Variants in GRIK2 observed in about 807,000 individuals in gnomAD.
The protein encoded by GRIK2 is glutamate receptor ionotropic, kainate 2.
In GRIK2, 32 loss-of-function variants were observed where a neutral mutation model predicts 100.3. That is an observed-to-expected ratio of 0.32 (90% confidence interval 0.24 to 0.43). The LOEUF (loss-of-function observed/expected upper bound fraction) is 0.43. Ranked by LOEUF, GRIK2 falls within the 20% of genes least tolerant of loss-of-function variation. The pLI is 1.00. For synonymous variants in GRIK2, 417 were observed against 389.4 expected (o/e 1.07, Z -0.83); for missense variants, 843 against 1,114.9 (o/e 0.76, Z 3.47).
chr6:102,066,500 T>C (rs190350250), intron 16 of GRIK2, among the ~76,000 whole-genome samples: 260 of 151,714 alleles, frequency 1.7e-3, no homozygotes, highest in African/African-American at 5.9e-3. Flanking sequence ...AGAATGTGCC[T>C]GGTCAAGTGG....
chr6:101,649,863 G>A (rs1172325438), intron 4 of GRIK2, among the ~76,000 whole-genome samples: 1 of 152,072 alleles, frequency 6.6e-6, no homozygotes, highest in Non-Finnish European at 1.5e-5. Flanking sequence ...AGGTGCAGAA[G>A]GGTGAAAGTG....
At chr6:101,802,726 T>G (rs746304090) in intron 9 of GRIK2, among the ~76,000 whole-genome samples, 12 of 151,916 alleles carry the variant, frequency 7.9e-5, no homozygotes, top group Non-Finnish European at 1.5e-4. Context: ...ATATAGCAAT[T>G]AGAAAATATT....
chr6:101,655,558 C>G (rs946825370), intron 4 of GRIK2, among the ~76,000 whole-genome samples: 1 of 152,166 alleles, frequency 6.6e-6, no homozygotes, highest in Non-Finnish European at 1.5e-5. Context: ...AAAACCACTT[C>G]CTCGTAGTAA....
intron 10 of GRIK2, among the ~76,000 whole-genome samples, chr6:101,837,474 T>C (rs936843996): frequency 6.6e-6 from 1 of 152,216 alleles, no homozygotes; most frequent in Non-Finnish European, 1.5e-5. Context: ...CATTTCATAA[T>C]GTATATATAT....
At chr6:101,783,145 A>G (rs1779204651) in intron 7 of GRIK2, among the ~76,000 whole-genome samples, 1 of 152,098 alleles carries the variant, frequency 6.6e-6, no homozygotes, top group South Asian at 2.1e-4. Flanking sequence ...GGCGTGAGGC[A>G]GTGCACCCGG....
chr6:101,441,240 T>A (rs940156698), intron 2 of GRIK2, among the ~76,000 whole-genome samples: 1 of 152,110 alleles, frequency 6.6e-6, no homozygotes, highest in African/African-American at 2.4e-5. Context: ...TCTTTCTGAG[T>A]AGTCTACTCT....
intron 1 of GRIK2, among the ~76,000 whole-genome samples, chr6:101,394,675 A>G (rs967145938): frequency 1.3e-4 from 20 of 152,202 alleles, no homozygotes; most frequent in African/African-American, 4.8e-4. Context: ...TTTGAGTCTT[A>G]ATTAGTCAGT....
intron 2 of GRIK2, among the ~76,000 whole-genome samples, chr6:101,432,391 AT>A (rs1287430269): frequency 6.6e-6 from 1 of 152,128 alleles, no homozygotes; most frequent in Non-Finnish European, 1.5e-5. Context: ...TTCTTAAGTT[AT>A]TTTGGTAAAC....
intron 2 of GRIK2, among the ~76,000 whole-genome samples, chr6:101,560,266 T>C (rs1217500047): frequency 6.6e-6 from 1 of 152,102 alleles, no homozygotes; most frequent in East Asian, 1.9e-4. Context: ...GGATTTTATC[T>C]TGAAAATATT....
intron 4 of GRIK2, among the ~76,000 whole-genome samples, chr6:101,642,021 T>C (rs890203068): frequency 4.6e-5 from 7 of 151,896 alleles, no homozygotes; most frequent in African/African-American, 7.2e-5. Context: ...TTTAGGAGAA[T>C]AGAATTGGTT....
intron 14 of GRIK2, among the ~76,000 whole-genome samples, chr6:101,958,284 G>GTGTGTGTGTGTGTGTGTGTGT (rs758541113): frequency 1.3e-3 from 24 of 18,898 alleles, no homozygotes; most frequent in Non-Finnish European, 1.9e-3. Flanking sequence ...TGTGTGTGTG[G>GTGTGTGTGTGTGTGTGTGTGT]GTCCATTGCA....
intron 2 of GRIK2, among the ~76,000 whole-genome samples, chr6:101,442,537 G>A (rs979795808): frequency 6.6e-6 from 1 of 152,090 alleles, no homozygotes; most frequent in African/African-American, 2.4e-5. Context: ...TGAAAGACAC[G>A]CTGCAAACTT....
chr6:101,687,504 T>G (rs2128344599), intron 7 of GRIK2, among the ~76,000 whole-genome samples: 1 of 152,062 alleles, frequency 6.6e-6, no homozygotes, highest in East Asian at 1.9e-4. Context: ...TTCCATTAAT[T>G]ACTTCAATAG....
chr6:101,670,696 G>A (rs974191825), intron 4 of GRIK2, among the ~76,000 whole-genome samples: 1 of 151,978 alleles, frequency 6.6e-6, no homozygotes, highest in African/African-American at 2.4e-5. Flanking sequence ...CTAATGTTAG[G>A]TTTTCTATCT....
intron 2 of GRIK2, among the ~76,000 whole-genome samples, chr6:101,590,797 A>T (rs915233367): frequency 1.3e-5 from 2 of 151,962 alleles, no homozygotes; most frequent in African/African-American, 4.8e-5. Context: ...CAATGCCTAT[A>T]TTTTTTAGAT....
intron 7 of GRIK2, among the ~76,000 whole-genome samples, chr6:101,786,978 T>C (rs75484681): frequency 0.026 from 3,910 of 152,208 alleles, 173 homozygotes; most frequent in African/African-American, 0.089. Flanking sequence ...CATTTTATTA[T>C]TGATTCAATT....
intron 14 of GRIK2, among the ~76,000 whole-genome samples, chr6:102,031,128 C>CACACACACA (rs1562124651): frequency 1.1e-4 from 7 of 65,446 alleles, no homozygotes; most frequent in East Asian, 4.5e-4. Context: ...CACACACACA[C>CACACACACA]CCCCTTTGAG....
intron 2 of GRIK2, among the ~76,000 whole-genome samples, chr6:101,542,249 A>G (rs1776035143): frequency 6.6e-6 from 1 of 152,208 alleles, no homozygotes; most frequent in East Asian, 1.9e-4. Context: ...CAAAGAAAAA[A>G]AAAGAACCAT....
At chr6:101,549,268 A>T (rs1200529927) in intron 2 of GRIK2, among the ~76,000 whole-genome samples, 1 of 105,828 alleles carries the variant, frequency 9.4e-6, no homozygotes. Context: ...GTTAGTAGTG[A>T]TGAACTGAAA....
Sources: gnomAD v4.1 joint callset for allele counts (sites outside exome capture counted in the v4.1 genomes callset) on GRCh38, gnomAD v4.1.1 for gene constraint, MANE v1.5 for transcripts, NCBI Gene and HGNC (gene_info 2026-07-23, HGNC 2026-07-21) for gene names.